The following INVS variants were observed in gnomAD, a reference collection of about 807,000 sequenced individuals.
INVS encodes the protein inversin, also known as inversion of embryo turning homolog.
In INVS, 86 loss-of-function variants were observed where a neutral mutation model predicts 108.8. The ratio of observed to expected loss-of-function variants is 0.79; its 90% CI spans 0.66 to 0.95. The LOEUF is 0.95. Ranked by LOEUF, INVS falls within the 40% of genes least tolerant of loss-of-function variation. INVS has a pLI of 0.00. For synonymous variants in INVS, 455 were observed against 473.5 expected, an observed-to-expected ratio of 0.96 and a Z score of 0.51; for missense variants, 1,169 against 1,297.4, an observed-to-expected ratio of 0.90 and a Z score of 1.52.
chr9:100,135,263 T>C (rs1458039093), intron 3 of INVS, among the ~76,000 whole-genome samples: 1 of 152,204 alleles, frequency 6.6e-6, no homozygotes, highest in South Asian at 2.1e-4. Flanking sequence ...ACCTAGACTG[T>C]TAAGCACTCA....
intron 2 of INVS, among the ~76,000 whole-genome samples, chr9:100,105,507 T>C (rs1218580091): frequency 6.6e-6 from 1 of 152,222 alleles, no homozygotes; most frequent in Non-Finnish European, 1.5e-5. Context: ...TCTTCTGTGC[T>C]AAACAAACTC....
At chr9:100,217,050 T>C (rs920719765) in intron 3 of INVS, among the ~76,000 whole-genome samples, 1 of 152,180 alleles carries the variant, frequency 6.6e-6, no homozygotes, top group African/African-American at 2.4e-5. Flanking sequence ...GGCTCATGCC[T>C]GTAATCCCAG....
At chr9:100,231,942 A>G (rs1435102540) in intron 5 of INVS, among the ~76,000 whole-genome samples, 2 of 152,170 alleles carry the variant, frequency 1.3e-5, no homozygotes, top group Non-Finnish European at 2.9e-5. Context: ...GTCTTCCACA[A>G]TGGTTGTACT....
intron 3 of INVS, among the ~76,000 whole-genome samples, chr9:100,179,934 A>G (rs916496672): frequency 1.3e-5 from 2 of 152,222 alleles, no homozygotes; most frequent in African/African-American, 4.8e-5. Flanking sequence ...GGAAATCGTA[A>G]CAGTCTCTCA....
chr9:100,281,331 C>A (rs1309806181), intron 12 of INVS, among the ~76,000 whole-genome samples: 4 of 152,206 alleles, frequency 2.6e-5, no homozygotes, highest in Non-Finnish European at 4.4e-5. Context: ...CAAACTCTTA[C>A]ACTATGAGCA....
intron 3 of INVS, among the ~76,000 whole-genome samples, chr9:100,199,072 CACTT>C (rs886362504): frequency 9.2e-5 from 14 of 152,198 alleles, no homozygotes; most frequent in African/African-American, 4.8e-5. Context: ...TTCACTTGCT[CACTT>C]AATTAAGGTA....
chr9:100,168,297 G>A, intron 3 of INVS, among the ~76,000 whole-genome samples: 1 of 152,154 alleles, frequency 6.6e-6, no homozygotes, highest in East Asian at 1.9e-4. Flanking sequence ...CTAGAGCAGA[G>A]GGGAAAGAGA....
intron 5 of INVS, 34 bp downstream of exon 5, chr9:100,229,861 C>CT: frequency 6.2e-7 from 1 of 1,608,206 alleles, no homozygotes; most frequent in Non-Finnish European, 8.5e-7. Flanking sequence ...CCTGAATGGC[C>CT]TTGAAATTTT....
At chr9:100,104,356 C>A in intron 1 of INVS, 142 bp from the exon 2 acceptor site, 1 of 669,424 alleles carries the variant, frequency 1.5e-6, no homozygotes, top group Non-Finnish European at 2.7e-6. Context: ...TGTACCACTG[C>A]ACCCAGCCAG....
At chr9:100,183,071 C>T (rs1829944524) in intron 3 of INVS, among the ~76,000 whole-genome samples, 1 of 152,000 alleles carries the variant, frequency 6.6e-6, no homozygotes, top group African/African-American at 2.4e-5. Context: ...GGGAGTTGAA[C>T]AATGAGAACA....
intron 3 of INVS, among the ~76,000 whole-genome samples, chr9:100,133,069 C>G (rs1207850400): frequency 6.6e-6 from 1 of 152,142 alleles, no homozygotes; most frequent in Non-Finnish European, 1.5e-5. Flanking sequence ...TGCACCACTG[C>G]ACTCCAGCCT....
rs117303718 is a variant in INVS, at chr9:100,191,719, A to G, written c.274-34343A>G. ...TCTTGGTTTGGATCCATTGCTGGAG[A>G]GTTAGTGTGATCTTTTGTGGGTACT... On this transcript the variant is annotated intron_variant, in intron 3 of 16. Coordinates refer to ENST00000262457, the MANE Select transcript of INVS (RefSeq NM_014425.5). Among the ~76,000 whole-genome samples the G allele has an allele frequency of 1.4e-3, 210 of 152,078 alleles. 3 individuals carry two copies. In the East Asian group the frequency reaches 0.037, roughly 27 times the overall value.
chr9:100,138,312 A>G (rs1361863677), intron 3 of INVS, among the ~76,000 whole-genome samples: 1 of 152,160 alleles, frequency 6.6e-6, no homozygotes, highest in Non-Finnish European at 1.5e-5. Context: ...AGGCTGAGGC[A>G]GGAGAATCGC....
Position 100,289,023 on chromosome 9 carries a change from C to T in INVS, c.2069-3303C>T, listed in dbSNP as rs186774814. ...TTTTATTTTCTAACCCAGCACATCC[C>T]GGGATCTTTACATTATCTCTAAATT... is the stretch of plus-strand genomic sequence containing the variant. On this transcript the variant is annotated intron_variant, in intron 13 of 16. Coordinates refer to ENST00000262457, the MANE Select transcript of INVS (RefSeq NM_014425.5). 4.6e-5 allele frequency among the ~76,000 whole-genome samples: 7 copies of T among 152,254 alleles called. No homozygotes were observed. In the East Asian group the frequency reaches 5.8e-4, roughly 13 times the overall value.
At chr9:100,274,369 A>G (rs1413060726) in intron 12 of INVS, among the ~76,000 whole-genome samples, 1 of 152,108 alleles carries the variant, frequency 6.6e-6, no homozygotes, top group East Asian at 1.9e-4. Context: ...AAAAAGAAAA[A>G]AAAAAGATTG....
intron 3 of INVS, among the ~76,000 whole-genome samples, chr9:100,193,807 G>A (rs1016752242): frequency 1.3e-5 from 2 of 152,068 alleles, no homozygotes; most frequent in East Asian, 1.9e-4. Flanking sequence ...TTATTCTATT[G>A]TATGGATATA....
chr9:100,136,501 A>G (rs1206600990), intron 3 of INVS, among the ~76,000 whole-genome samples: 1 of 152,204 alleles, frequency 6.6e-6, no homozygotes, highest in African/African-American at 2.4e-5. Context: ...ATTATTAAAT[A>G]CCTAATCAGT....
chr9:100,143,911 C>T (rs563091055), intron 3 of INVS, among the ~76,000 whole-genome samples: 107 of 152,134 alleles, frequency 7.0e-4, no homozygotes, highest in African/African-American at 1.7e-3. Flanking sequence ...GCTCGGCGTC[C>T]GTGATGGTTT....
At chr9:100,100,679 TA>T (rs1166290293) in intron 1 of INVS, among the ~76,000 whole-genome samples, 2 of 42,512 alleles carry the variant, frequency 4.7e-5, no homozygotes, top group Non-Finnish European at 7.4e-5. Context: ...TATGTACATA[TA>T]ATATATATAT....
Sources: allele counts gnomAD v4.1 joint callset (sites outside exome capture counted in the v4.1 genomes callset), GRCh38; gene constraint gnomAD v4.1.1; transcripts MANE v1.5; gene names NCBI Gene and HGNC (gene_info 2026-07-23, HGNC 2026-07-21).